SCP2: variants seen among roughly 807,000 people sequenced by gnomAD.
SCP2 encodes SCP-2/3-oxoacyl-CoA thiolase.
SCP2 carries 48 observed loss-of-function variants against 71.4 expected under a neutral mutation model. The observed-to-expected ratio is 0.67, with a 90% CI of 0.53 to 0.86. The LOEUF (loss-of-function observed/expected upper bound fraction) is 0.86, where lower values mean the gene tolerates loss of function less well. SCP2 is among the 40% of genes least tolerant of loss of function. The pLI, the probability that SCP2 is intolerant of heterozygous loss-of-function variation, is 0.00. For synonymous variants in SCP2, 220 were observed against 218.1 expected (o/e 1.01, Z -0.08); for missense variants, 560 against 655.6 (o/e 0.85, Z 1.59).
At chr1:53,013,484 A>C (rs1661119961) in intron 11 of SCP2, among the ~76,000 whole-genome samples, 1 of 151,240 alleles carries the variant, frequency 6.6e-6, no homozygotes, top group Non-Finnish European at 1.5e-5. Context: ...AGTCCCAGCT[A>C]CTTGGGAGGC....
intron 14 of SCP2, among the ~76,000 whole-genome samples, chr1:53,040,017 T>A (rs1572228202): frequency 6.6e-6 from 1 of 152,218 alleles, no homozygotes; most frequent in Admixed American, 6.5e-5. Flanking sequence ...TCTAAAAGCC[T>A]TGAAGTCATC....
intron 14 of SCP2, among the ~76,000 whole-genome samples, chr1:53,040,596 G>A (rs1001373399): frequency 4.6e-5 from 7 of 151,990 alleles, no homozygotes; most frequent in East Asian, 3.9e-4. Context: ...TGGCGGGCAC[G>A]TGTAGCCCCA....
At chr1:52,965,961 A>AT (rs372929317) in intron 6 of SCP2, among the ~76,000 whole-genome samples, 2 of 151,924 alleles carry the variant, frequency 1.3e-5, no homozygotes, top group Admixed American at 6.6e-5. Flanking sequence ...TGAGTTTTAT[A>AT]TATTAATCTT....
chr1:52,949,876 T>A (rs1338678166), intron 3 of SCP2, among the ~76,000 whole-genome samples: 1 of 152,224 alleles, frequency 6.6e-6, no homozygotes, highest in African/African-American at 2.4e-5. Context: ...GAATAAATTT[T>A]GCTTCTAAGA....
At chr1:53,042,036 A>C (rs1663473303) in intron 14 of SCP2, among the ~76,000 whole-genome samples, 1 of 152,120 alleles carries the variant, frequency 6.6e-6, no homozygotes, top group Non-Finnish European at 1.5e-5. Context: ...ATGAAAGAAA[A>C]ATTGAGCAGT....
At chr1:53,042,095 T>A (rs1290571486) in intron 14 of SCP2, among the ~76,000 whole-genome samples, 1 of 152,154 alleles carries the variant, frequency 6.6e-6, no homozygotes, top group Non-Finnish European at 1.5e-5. Flanking sequence ...TTGTGGAAGT[T>A]TCCTGAATTA....
chr1:52,986,986 GTATA>G (rs1222189292), intron 10 of SCP2, among the ~76,000 whole-genome samples: 58 of 101,392 alleles, frequency 5.7e-4, no homozygotes, highest in African/African-American at 2.0e-3. Context: ...TTTTTCTTCT[GTATA>G]TATATATATA....
intron 13 of SCP2, among the ~76,000 whole-genome samples, chr1:53,038,654 C>G (rs974388067): frequency 1.3e-5 from 2 of 152,152 alleles, no homozygotes; most frequent in African/African-American, 4.8e-5. Flanking sequence ...ATCCCCCCAC[C>G]TCTGCCTCCC....
intron 13 of SCP2, among the ~76,000 whole-genome samples, chr1:53,029,063 A>G (rs1287295761): frequency 6.6e-6 from 1 of 151,840 alleles, no homozygotes; most frequent in Non-Finnish European, 1.5e-5. Context: ...GGGGTGAGCC[A>G]CCGTGCCCAC....
chr1:52,984,393 T>TTTTTTA (rs1658786628), intron 10 of SCP2, among the ~76,000 whole-genome samples: 1 of 152,170 alleles, frequency 6.6e-6, no homozygotes, highest in Non-Finnish European at 1.5e-5. Flanking sequence ...TCAGGCAGTT[T>TTTTTTA]TTTTTATTTT....
In SCP2 at chr1:52,971,241, G is replaced by T. The variant is rs193000493; in HGVS notation, c.524-3528G>T. On this transcript the variant is annotated intron_variant, in intron 6 of 15. Transcript: ENST00000371514. ...TCCACCCGCCTCGGCCTCCCAAAGTGCTGGGATTACAGGCGTGAGCCACCG... is the reference window on the plus strand; with the variant it reads ...TCCACCCGCCTCGGCCTCCCAAAGTTCTGGGATTACAGGCGTGAGCCACCG... Among the ~76,000 whole-genome samples the T allele has an allele frequency of 2.3e-3, 344 of 152,216 alleles. 1 individual carries two copies. Among genetic ancestry groups the T allele is most frequent in the African/African-American group, 7.9e-3 (326 of 41,518 alleles).
intron 12 of SCP2, among the ~76,000 whole-genome samples, chr1:53,018,520 T>G (rs1303806863): frequency 6.6e-6 from 1 of 152,078 alleles, no homozygotes; most frequent in African/African-American, 2.4e-5. Context: ...GGCGAGTGGA[T>G]GGCTTGCGGT....
chr1:52,974,560 T>C (rs1430238701), intron 6 of SCP2, among the ~76,000 whole-genome samples: 2 of 152,358 alleles, frequency 1.3e-5, no homozygotes, highest in Admixed American at 6.5e-5. Context: ...CTTATGTGCC[T>C]ATTAGTTGAT....
chr1:52,954,215 G>A (rs1475913167), intron 4 of SCP2, among the ~76,000 whole-genome samples: 2 of 151,288 alleles, frequency 1.3e-5, no homozygotes, highest in Non-Finnish European at 2.9e-5. Flanking sequence ...ATAGAGAGCT[G>A]AGGTGGGAGG....
intron 5 of SCP2, among the ~76,000 whole-genome samples, chr1:52,960,622 G>A (rs1296531469): frequency 6.9e-6 from 1 of 144,320 alleles, no homozygotes; most frequent in South Asian, 2.1e-4. Flanking sequence ...ATGTATATAT[G>A]TATGTATATA....
chr1:52,988,013 A>C lies in SCP2; in HGVS notation c.974-16A>C. 7.8e-7 allele frequency: 1 copy of C among 1,275,872 alleles called. No individual in the cohort carries two copies. Among genetic ancestry groups the C allele is most frequent in the Non-Finnish European group, 1.1e-6 (1 of 873,346 alleles). 79.0% of individuals were successfully genotyped at this position (1,275,872 alleles called of 1,614,324 possible). On this transcript the variant is annotated splice_polypyrimidine_tract_variant and intron_variant, in intron 10 of 15. Transcript: ENST00000371514. ...GTTACTATTAATATTTGTGAATACTATTTTTTCTTCTATAGGACAAGGTGC... is the reference window on the plus strand; with the variant it reads ...GTTACTATTAATATTTGTGAATACTCTTTTTTCTTCTATAGGACAAGGTGC...
rs185508624 is a variant in SCP2, at chr1:53,016,451, G to C, written c.1235+1408G>C. ...AAGTATTGAATCTTAAGTTTTTGTG[G>C]GGTTTTTTTCTTTTTTGAGACAGAG... is the stretch of plus-strand genomic sequence containing the variant. On this transcript the variant is annotated intron_variant, in intron 12 of 15. Coordinates refer to ENST00000371514, the MANE Select transcript of SCP2 (RefSeq NM_002979.5). Among the ~76,000 whole-genome samples the C allele has an allele frequency of 6.2e-3, 944 of 152,070 alleles. 14 individuals are homozygous for C. The highest frequency in any genetic ancestry group is 0.022 in the African/African-American group (907 of 41,464).
intron 1 of SCP2, among the ~76,000 whole-genome samples, chr1:52,935,215 G>A (rs1653603846): frequency 6.6e-6 from 1 of 151,470 alleles, no homozygotes; most frequent in Non-Finnish European, 1.5e-5. Context: ...GCAGGGAGCC[G>A]AGATCGCCCC....
intron 10 of SCP2, among the ~76,000 whole-genome samples, chr1:52,987,566 G>A (rs1020569076): frequency 6.6e-6 from 1 of 152,092 alleles, no homozygotes; most frequent in Non-Finnish European, 1.5e-5. Flanking sequence ...GCTCAACAGT[G>A]TTTTCAGACA....
Sources: allele counts gnomAD v4.1 joint callset (sites outside exome capture counted in the v4.1 genomes callset), GRCh38; gene constraint gnomAD v4.1.1; transcripts MANE v1.5; gene names NCBI Gene and HGNC (gene_info 2026-07-23, HGNC 2026-07-21).